ME1: variants seen among roughly 807,000 people sequenced by gnomAD.
ME1 encodes the protein NADP-dependent malic enzyme.
ME1 carries 74 observed loss-of-function variants against 66.4 expected under a neutral mutation model. The ratio of observed to expected loss-of-function variants is 1.11; its 90% confidence interval spans 0.92 to 1.35. The LOEUF is 1.35. Ranked by LOEUF, ME1 falls within the 40% of genes most tolerant of loss-of-function variation. The pLI, the probability that ME1 is intolerant of heterozygous loss-of-function variation, is 0.00. For missense variants in ME1, 750 were observed against 694.1 expected, an observed-to-expected ratio of 1.08 and a Z score of -0.90; for synonymous variants, 251 against 235.6, an observed-to-expected ratio of 1.07 and a Z score of -0.60.
At chr6:83,396,772 A>C (rs1769739886) in intron 3 of ME1, among the ~76,000 whole-genome samples, 1 of 152,226 alleles carries the variant, frequency 6.6e-6, no homozygotes, top group Non-Finnish European at 1.5e-5. Context: ...GTATAAAAAC[A>C]AACACAGAGA....
At chr6:83,222,726 C>A (rs185062033) in intron 12 of ME1, among the ~76,000 whole-genome samples, 32 of 152,222 alleles carry the variant, frequency 2.1e-4, no homozygotes, top group Admixed American at 1.8e-3. Flanking sequence ...ATCTCTTGTG[C>A]CAGGAATTAT....
rs534880863 is a variant in ME1, at chr6:83,328,781, C to A, written c.601-13368G>T. Among the ~76,000 whole-genome samples the A allele has an allele frequency of 5.1e-4, 77 of 152,202 alleles. 1 individual carries two copies. Among genetic ancestry groups the A allele is most frequent in the African/African-American group, 1.7e-3 (71 of 41,538 alleles). ...AGGAAGCACTTAAAAAAGGGTGGAA[C>A]TTCTTTAGCACTAGGTGTTACACTA... On this transcript the variant is annotated intron_variant, in intron 5 of 13. Coordinates refer to ENST00000369705, the MANE Select transcript of ME1 (RefSeq NM_002395.6).
intron 1 of ME1, among the ~76,000 whole-genome samples, chr6:83,412,307 T>C (rs1770066211): frequency 6.6e-6 from 1 of 152,186 alleles, no homozygotes; most frequent in South Asian, 2.1e-4. Context: ...GTATGAAAAT[T>C]CATTATGGTA....
chr6:83,398,732 G>A (rs929146889), intron 2 of ME1, among the ~76,000 whole-genome samples: 23 of 152,174 alleles, frequency 1.5e-4, no homozygotes, highest in African/African-American at 5.5e-4. Flanking sequence ...AGCACCTTGG[G>A]AGGCTGAGGT....
At chr6:83,291,840 T>A (rs890507482) in intron 6 of ME1, among the ~76,000 whole-genome samples, 2 of 152,130 alleles carry the variant, frequency 1.3e-5, no homozygotes, top group South Asian at 2.1e-4. Flanking sequence ...TTTTCTCTAA[T>A]CTTGTCTTCT....
chr6:83,326,952 T>C (rs754136284), intron 5 of ME1, among the ~76,000 whole-genome samples: 5 of 152,208 alleles, frequency 3.3e-5, no homozygotes, highest in Non-Finnish European at 5.9e-5. Context: ...GCTGAAGCCA[T>C]GACAGAAGAA....
intron 6 of ME1, among the ~76,000 whole-genome samples, chr6:83,270,764 C>G (rs1321181035): frequency 6.6e-6 from 1 of 152,008 alleles, no homozygotes; most frequent in South Asian, 2.1e-4. Flanking sequence ...TAGAAAATAC[C>G]TTTTCACAGT....
At chr6:83,391,736 T>TC (rs1769624771) in intron 3 of ME1, among the ~76,000 whole-genome samples, 1 of 152,160 alleles carries the variant, frequency 6.6e-6, no homozygotes, top group Non-Finnish European at 1.5e-5. Flanking sequence ...CACAGTGGTC[T>TC]CCATCCTGCT....
chr6:83,218,416 C>A (rs2300465), intron 12 of ME1, among the ~76,000 whole-genome samples: 25,140 of 152,126 alleles, frequency 0.17, 3,372 homozygotes, highest in African/African-American at 0.35. Flanking sequence ...CTTTTCCCCT[C>A]CTCAGCGTGA....
chr6:83,370,826 A>G (rs1188318422), intron 3 of ME1, among the ~76,000 whole-genome samples: 1 of 152,136 alleles, frequency 6.6e-6, no homozygotes, highest in Non-Finnish European at 1.5e-5. Flanking sequence ...TAAACTGACT[A>G]TGCAATGGGA....
intron 5 of ME1, among the ~76,000 whole-genome samples, chr6:83,341,867 T>C (rs575135213): frequency 8.6e-4 from 131 of 152,272 alleles, no homozygotes; most frequent in African/African-American, 3.1e-3. Flanking sequence ...CTCTGACTGG[T>C]TGGTTTTTGC....
At chr6:83,422,856 G>A (rs1017212303) in intron 1 of ME1, among the ~76,000 whole-genome samples, 3 of 151,968 alleles carry the variant, frequency 2.0e-5, no homozygotes, top group Non-Finnish European at 4.4e-5. Context: ...AGTCACCTGA[G>A]GCTCAGAGCC....
At chr6:83,299,103 ATTTTAAAGTAGC>A (rs1311067265) in intron 6 of ME1, among the ~76,000 whole-genome samples, 1 of 151,674 alleles carries the variant, frequency 6.6e-6, no homozygotes, top group Non-Finnish European at 1.5e-5. Flanking sequence ...TTTCACACGA[ATTTTAAAGTAGC>A]TTTTTCTAGT....
intron 1 of ME1, among the ~76,000 whole-genome samples, chr6:83,411,746 C>T (rs532037379): frequency 2.0e-5 from 3 of 152,272 alleles, no homozygotes; most frequent in Admixed American, 6.5e-5. Flanking sequence ...AGATATCAGA[C>T]GTCTATATAG....
chr6:83,309,721 A>T (rs765856838), intron 6 of ME1, among the ~76,000 whole-genome samples: 2 of 152,162 alleles, frequency 1.3e-5, no homozygotes, highest in Non-Finnish European at 2.9e-5. Flanking sequence ...TTACCAAGGA[A>T]GTGGAGATTA....
intron 6 of ME1, among the ~76,000 whole-genome samples, chr6:83,315,090 A>C (rs1562478492): frequency 6.6e-6 from 1 of 152,220 alleles, no homozygotes. Flanking sequence ...TTGTAAAAAA[A>C]AAAGTATATT....
At chr6:83,377,519 A>G (rs1017577624) in intron 3 of ME1, among the ~76,000 whole-genome samples, 1 of 152,180 alleles carries the variant, frequency 6.6e-6, no homozygotes, top group Admixed American at 6.5e-5. Flanking sequence ...CAAACATGCA[A>G]TTGCAGACTT....
chr6:83,345,616 T>C (rs1768671310), intron 5 of ME1, among the ~76,000 whole-genome samples: 1 of 152,156 alleles, frequency 6.6e-6, no homozygotes, highest in Admixed American at 6.5e-5. Context: ...TATCTTTCAT[T>C]TCTATTTCAG....
chr6:83,247,395 C>T (rs967693888), intron 7 of ME1, among the ~76,000 whole-genome samples: 3 of 151,844 alleles, frequency 2.0e-5, no homozygotes, highest in African/African-American at 4.8e-5. Flanking sequence ...AGAATGCATT[C>T]ATGTCTAAAA....
Sources: allele counts gnomAD v4.1 joint callset (sites outside exome capture counted in the v4.1 genomes callset), GRCh38; gene constraint gnomAD v4.1.1; transcripts MANE v1.5; gene names NCBI Gene and HGNC (gene_info 2026-07-23, HGNC 2026-07-21).